PCDHGA3: variants seen among roughly 807,000 people sequenced by gnomAD.
PCDHGA3 encodes protocadherin gamma-A3.
Under a neutral mutation model 58.5 loss-of-function variants are expected in PCDHGA3, and 40 were observed. That is an observed-to-expected ratio of 0.68 (90% CI 0.53 to 0.89). PCDHGA3 has a LOEUF of 0.89. Among genes scored for constraint, PCDHGA3 ranks in the 40% least tolerant of loss-of-function variants. PCDHGA3 has a pLI of 0.00. For missense variants in PCDHGA3, 1,223 were observed against 1,195.9 expected (o/e 1.02, Z -0.33); for synonymous variants, 530 against 525.7 (o/e 1.01, Z -0.11).
chr5:141,409,945 T>C (rs777813706), intron 1 of PCDHGA3: 11 of 1,613,312 alleles, frequency 6.8e-6, no homozygotes, highest in Non-Finnish European at 9.3e-6. Flanking sequence ...TACCTCGCTC[T>C]GCAGAGCCCG....
At position 141,410,612 on chromosome 5, in the gene PCDHGA3, C is replaced by CT. The variant is rs748943892; in HGVS notation, c.2424+64156dup. The CT allele has an allele frequency of 5.6e-6, 9 of 1,605,878 alleles. 1 individual carries two copies. The South Asian group carries it at 9.9e-5, about 18-fold the overall frequency. On this transcript the variant is annotated intron_variant, in intron 1 of 3. Transcript: ENST00000253812. ...GGATTTGACTTCACATCCTGAGACT[C>CT]TGACTTCGGTGAGTTTCTCTTTTTT...
chr5:141,410,835 T>C (rs1360836957), intron 1 of PCDHGA3: 2 of 490,228 alleles, frequency 4.1e-6, no homozygotes, highest in Admixed American at 4.0e-5. Context: ...AGACTGAAGA[T>C]ATTTTGTCTT....
chr5:141,388,396 A>C, intron 1 of PCDHGA3: 2 of 1,614,014 alleles, frequency 1.2e-6, no homozygotes, highest in Non-Finnish European at 1.7e-6. Flanking sequence ...CAGAATTACC[A>C]ACTCAGTCCC....
intron 1 of PCDHGA3, chr5:141,388,335 C>G: frequency 1.2e-6 from 2 of 1,613,810 alleles, no homozygotes; most frequent in Non-Finnish European, 1.7e-6. Context: ...GCCTGGCACA[C>G]GATTTATATT....
intron 1 of PCDHGA3, among the ~76,000 whole-genome samples, chr5:141,461,119 C>T (rs959427669): frequency 6.6e-6 from 1 of 152,016 alleles, no homozygotes; most frequent in Admixed American, 6.6e-5. Flanking sequence ...GTGTCTTTTT[C>T]ATATAATTAC....
Position 141,510,362 on chromosome 5 carries a change from C to T in PCDHGA3, c.2573-585C>T, listed in dbSNP as rs74321279. Among the ~76,000 whole-genome samples the T allele has an allele frequency of 2.0e-4, 29 of 142,136 alleles. No homozygotes were observed. In the East Asian group the frequency reaches 5.7e-3, roughly 28 times the overall value. The allele number at this position is 142,136 out of a possible 152,430, so 93.2% of individuals were successfully genotyped here. A position where few individuals can be genotyped will look rare whatever the true frequency, so the allele number is the denominator to read the frequency against. On this transcript the variant is annotated intron_variant, in intron 3 of 3. Coordinates refer to ENST00000253812, the MANE Select transcript of PCDHGA3 (RefSeq NM_018916.4). ...CCCACACACTTACTAACGGAACTAC[C>T]GAATCTCTACTCGTGCCAGGCCTTG... is the stretch of plus-strand genomic sequence containing the variant.
chr5:141,394,374 G>C, intron 1 of PCDHGA3: 6 of 1,614,172 alleles, frequency 3.7e-6, no homozygotes, highest in Non-Finnish European at 5.1e-6. Context: ...GCAATCTTTC[G>C]ACTATGAGCA....
At chr5:141,418,344 T>G (rs746519142) in intron 1 of PCDHGA3, 1 of 1,614,008 alleles carries the variant, frequency 6.2e-7, no homozygotes, top group Non-Finnish European at 8.5e-7. Context: ...GATCCTGATA[T>G]TAGTATGAAT....
intron 1 of PCDHGA3, among the ~76,000 whole-genome samples, chr5:141,462,763 G>A (rs935087747): frequency 2.6e-5 from 4 of 152,036 alleles, no homozygotes; most frequent in Non-Finnish European, 4.4e-5. Context: ...TTTTCTTCCT[G>A]GCTTGGGGTC....
Position 141,489,793 on chromosome 5 carries a change from C to T in PCDHGA3, c.2425-5014C>T, listed in dbSNP as rs749700050. On this transcript the variant is annotated intron_variant, in intron 1 of 3. Transcript: ENST00000253812. The surrounding 1 kb of genome is among the most constrained non-coding windows in gnomAD (Gnocchi z 4.5). ...CCACTTCTCTCTGAATGTGAAGACC[C>T]TAAAAGATGGGAAGCCATTCCCAGA... The T allele has an allele frequency of 6.2e-7, 1 of 1,614,044 alleles. No homozygotes were observed. Among genetic ancestry groups the T allele is most frequent in the Non-Finnish European group, 8.5e-7 (1 of 1,180,010 alleles).
In PCDHGA3 at chr5:141,387,468, A is replaced by G. The variant is rs190489292; in HGVS notation, c.2424+41011A>G. On this transcript the variant is annotated intron_variant, in intron 1 of 3. Transcript: ENST00000253812. ...TACATGATTTGCCTAAAAATCCTCA[A>G]AGTTGGGATGAAGGCATTCCTAAGA... Among the ~76,000 whole-genome samples the G allele has an allele frequency of 3.6e-3, 554 of 152,350 alleles. 1 individual carries two copies. Among genetic ancestry groups the G allele is most frequent in the Non-Finnish European group, 6.0e-3 (405 of 68,034 alleles).
At chr5:141,365,645 C>G in intron 1 of PCDHGA3, 1 of 1,613,572 alleles carries the variant, frequency 6.2e-7, no homozygotes, top group East Asian at 2.2e-5. Flanking sequence ...AAGCCACATC[C>G]CCTTGAAAGT....
chr5:141,432,288 A>C lies in PCDHGA3; in HGVS notation c.2425-62519A>C. ...TCGTCCTACGTGTCCATCAACTCCG[A>C]CACTGGGGTACTGTATGCGCTGAGC... On this transcript the variant is annotated intron_variant, in intron 1 of 3. Coordinates refer to ENST00000253812, the MANE Select transcript of PCDHGA3 (RefSeq NM_018916.4). This position sits in a 1 kb window ranked among gnomAD's most constrained non-coding sequence, Gnocchi z 6.0. 1 of 1,614,192 alleles carries C rather than the reference A, an allele frequency of 6.2e-7. No individual in the cohort carries two copies. Among genetic ancestry groups the C allele is most frequent in the Non-Finnish European group, 8.5e-7 (1 of 1,180,018 alleles).
chr5:141,357,090 G>A (rs765908786), intron 1 of PCDHGA3: 2 of 1,613,880 alleles, frequency 1.2e-6, no homozygotes, highest in East Asian at 2.2e-5. Context: ...GCACCGCACG[G>A]GCCCTGCTGG....
At chr5:141,374,573 A>G in intron 1 of PCDHGA3, 1 of 1,613,740 alleles carries the variant, frequency 6.2e-7, no homozygotes, top group Non-Finnish European at 8.5e-7. Context: ...TGATGTGGGA[A>G]TGAACTCCCT....
intron 1 of PCDHGA3, among the ~76,000 whole-genome samples, chr5:141,483,203 A>T (rs940487337): frequency 1.3e-5 from 2 of 152,204 alleles, no homozygotes; most frequent in African/African-American, 2.4e-5. Flanking sequence ...ATTTTATTCC[A>T]TATAGATGAC....
chr5:141,420,246 T>C (rs1216078492), intron 1 of PCDHGA3: 3 of 1,583,234 alleles, frequency 1.9e-6, no homozygotes, highest in African/African-American at 2.7e-5. Context: ...ACTCCCAGCG[T>C]TGAAGCAGAT....
Position 141,390,256 on chromosome 5 carries a change from A to G in PCDHGA3, c.2424+43799A>G, listed in dbSNP as rs2150415347. On this transcript the variant is annotated intron_variant, in intron 1 of 3. Coordinates refer to ENST00000253812, the MANE Select transcript of PCDHGA3 (RefSeq NM_018916.4). ...TCTGGGGCCTTATTTCCACTTTGTAATTCCAGTGAATTGACTTCCCATCAG... is the reference window on the plus strand; with the variant it reads ...TCTGGGGCCTTATTTCCACTTTGTAGTTCCAGTGAATTGACTTCCCATCAG... 6 of 1,614,022 alleles carry G rather than the reference A, an allele frequency of 3.7e-6. No homozygotes were observed. The East Asian group carries it at 1.3e-4, about 36-fold the overall frequency.
In PCDHGA3 at chr5:141,485,804, G is replaced by C; in HGVS notation, c.2425-9003G>C. 6.2e-7 allele frequency: 1 copy of C among 1,614,218 alleles called. No homozygotes were observed. The highest frequency in any genetic ancestry group is 1.3e-5 in the African/African-American group (1 of 75,060). The stretch of plus-strand genomic sequence containing the variant: ...AGAGAAGCAATCGGACTACCGCCTG[G>C]TGCTGACTGCTGTCGATGGAGGGAA... On this transcript the variant is annotated intron_variant, in intron 1 of 3. Coordinates refer to ENST00000253812, the MANE Select transcript of PCDHGA3 (RefSeq NM_018916.4). This position sits in a 1 kb window ranked among gnomAD's most constrained non-coding sequence, Gnocchi z 5.7.
Sources: allele counts gnomAD v4.1 joint callset (sites outside exome capture counted in the v4.1 genomes callset), GRCh38; gene constraint gnomAD v4.1.1; non-coding constraint Gnocchi (gnomAD v3.1); transcripts MANE v1.5; gene names NCBI Gene and HGNC (gene_info 2026-07-23, HGNC 2026-07-21).